Variants in MGAT4C observed in about 807,000 individuals in gnomAD.
MGAT4C encodes MGAT4 family member C, also known as alpha-1,3-mannosyl-glycoprotein 4-beta-N-acetylglucosaminyltransferase C.
Under a neutral mutation model 40.1 loss-of-function variants are expected in MGAT4C, and 19 were observed. The ratio of observed to expected loss-of-function variants is 0.47; its 90% CI spans 0.33 to 0.70. MGAT4C has a LOEUF of 0.70. Ranked by LOEUF, MGAT4C falls within the 30% of genes least tolerant of loss-of-function variation. MGAT4C has a pLI of 0.02. For missense variants in MGAT4C, 491 were observed against 563.2 expected (o/e 0.87, Z 1.30); for synonymous variants, 181 against 187.1 (o/e 0.97, Z 0.27).
chr12:86,102,065 A>G (rs1240050204), intron 1 of MGAT4C, among the ~76,000 whole-genome samples: 2 of 151,958 alleles, frequency 1.3e-5, no homozygotes, highest in African/African-American at 2.4e-5. Context: ...AATAAATTAT[A>G]AATATTTAAT....
chr12:86,701,067 C>T (rs1297926579), intron 2 of MGAT4C, among the ~76,000 whole-genome samples: 2 of 152,024 alleles, frequency 1.3e-5, no homozygotes, highest in South Asian at 2.1e-4. Context: ...GAAACCTAGC[C>T]TTGCCATAGT....
At chr12:86,737,286 T>C (rs1295555560) in intron 1 of MGAT4C, among the ~76,000 whole-genome samples, 1 of 151,364 alleles carries the variant, frequency 6.6e-6, no homozygotes, top group Non-Finnish European at 1.5e-5. Context: ...AGTACTCACC[T>C]TTTTTGGCCT....
chr12:86,262,347 A>G (rs1280508525), intron 4 of MGAT4C, among the ~76,000 whole-genome samples: 1 of 152,110 alleles, frequency 6.6e-6, no homozygotes, highest in Non-Finnish European at 1.5e-5. Context: ...TTTCAGCCAC[A>G]GGCTCTTTGC....
Position 86,424,648 on chromosome 12 carries a change from T to C in MGAT4C, c.-120+10509A>G, listed in dbSNP as rs17014009. Among the ~76,000 whole-genome samples the C allele has an allele frequency of 0.02, 3,001 of 152,292 alleles. 213 individuals carry two copies. The East Asian group carries it at 0.24, about 12-fold the overall frequency. The stretch of plus-strand genomic sequence containing the variant: ...GGCAGCATGAATAGCATCTGCATTA[T>C]AAATACTTATATAGAGCTTAATCTC... On this transcript the variant is annotated intron_variant, in intron 3 of 7. Transcript: ENST00000548651.
At chr12:86,644,637 T>C (rs532707849) in intron 2 of MGAT4C, among the ~76,000 whole-genome samples, 19 of 151,810 alleles carry the variant, frequency 1.3e-4, no homozygotes, top group Non-Finnish European at 2.4e-4. Context: ...AGAAGCTTCA[T>C]TGCATTGCTG....
intron 3 of MGAT4C, among the ~76,000 whole-genome samples, chr12:86,361,025 A>C (rs1375675358): frequency 3.7e-5 from 4 of 107,068 alleles, no homozygotes; most frequent in African/African-American, 1.0e-4. Context: ...CCTGCATTGC[A>C]AGGACAATCC....
chr12:86,535,127 T>C (rs1274133152), intron 2 of MGAT4C, among the ~76,000 whole-genome samples: 1 of 152,138 alleles, frequency 6.6e-6, no homozygotes, highest in East Asian at 1.9e-4. Flanking sequence ...ATTATTGATA[T>C]CATAGTAATT....
intron 1 of MGAT4C, among the ~76,000 whole-genome samples, chr12:86,053,802 G>C: frequency 6.6e-6 from 1 of 151,652 alleles, no homozygotes; most frequent in Admixed American, 6.6e-5. Flanking sequence ...AAGACCAACA[G>C]GTATATACAT....
intron 2 of MGAT4C, among the ~76,000 whole-genome samples, chr12:86,594,475 A>C (rs997841409): frequency 1.3e-5 from 2 of 152,174 alleles, no homozygotes; most frequent in African/African-American, 4.8e-5. Flanking sequence ...TATCATGCTA[A>C]AAGTGGAATT....
At chr12:86,783,234 G>C (rs1951873638) in intron 1 of MGAT4C, among the ~76,000 whole-genome samples, 1 of 152,008 alleles carries the variant, frequency 6.6e-6, no homozygotes, top group African/African-American at 2.4e-5. Context: ...AAGACCGAAA[G>C]GCCATAAGAA....
At chr12:86,452,229 T>C (rs1445267659) in intron 2 of MGAT4C, among the ~76,000 whole-genome samples, 1 of 151,994 alleles carries the variant, frequency 6.6e-6, no homozygotes, top group Non-Finnish European at 1.5e-5. Flanking sequence ...TATTATACTT[T>C]GAGTTCTAGG....
intron 2 of MGAT4C, among the ~76,000 whole-genome samples, chr12:86,452,183 ATTCTTTTTTTT>A (rs1454451926): frequency 1.3e-5 from 2 of 149,102 alleles, no homozygotes; most frequent in Non-Finnish European, 3.0e-5. Context: ...AACTAGGGCC[ATTCTTTTTTTT>A]TTCTTTTTTT....
At chr12:86,631,518 C>T (rs1422004683) in intron 2 of MGAT4C, among the ~76,000 whole-genome samples, 1 of 152,050 alleles carries the variant, frequency 6.6e-6, no homozygotes, top group Non-Finnish European at 1.5e-5. Flanking sequence ...TACAAGGCTA[C>T]AGTAACCAAA....
intron 3 of MGAT4C, among the ~76,000 whole-genome samples, chr12:86,349,264 C>T (rs1367096780): frequency 2.6e-5 from 4 of 152,106 alleles, no homozygotes; most frequent in African/African-American, 9.7e-5. Context: ...TACTTCCTAC[C>T]CTTTTGTGGT....
intron 2 of MGAT4C, among the ~76,000 whole-genome samples, chr12:86,690,935 T>G (rs1950161169): frequency 6.6e-6 from 1 of 152,186 alleles, no homozygotes; most frequent in South Asian, 2.1e-4. Flanking sequence ...GTTTTAGACT[T>G]GTATATTTCT....
intron 2 of MGAT4C, among the ~76,000 whole-genome samples, chr12:86,518,255 C>T (rs553262875): frequency 6.6e-6 from 1 of 152,082 alleles, no homozygotes; most frequent in Non-Finnish European, 1.5e-5. Context: ...TTTTGTTCTC[C>T]GAAAGAAACT....
intron 1 of MGAT4C, among the ~76,000 whole-genome samples, chr12:86,175,208 T>C (rs1887268988): frequency 6.6e-6 from 1 of 152,170 alleles, no homozygotes; most frequent in Non-Finnish European, 1.5e-5. Flanking sequence ...TAAAAAAGAA[T>C]ATGTAAATTG....
intron 2 of MGAT4C, among the ~76,000 whole-genome samples, chr12:86,436,607 A>C (rs1957142824): frequency 6.6e-6 from 1 of 151,772 alleles, no homozygotes; most frequent in Non-Finnish European, 1.5e-5. Flanking sequence ...TCATGATATA[A>C]CTAAGACTCA....
intron 3 of MGAT4C, among the ~76,000 whole-genome samples, chr12:86,359,376 A>G (rs1955400013): frequency 1.3e-5 from 2 of 152,224 alleles, no homozygotes; most frequent in South Asian, 2.1e-4. Context: ...GAGAAAGAGG[A>G]AAGATCTAAA....
Sources: gnomAD v4.1 joint callset for allele counts (sites outside exome capture counted in the v4.1 genomes callset) on GRCh38, gnomAD v4.1.1 for gene constraint, MANE v1.5 for transcripts, NCBI Gene and HGNC (gene_info 2026-07-23, HGNC 2026-07-21) for gene names.